Variants in DDX60 observed in about 807,000 individuals in gnomAD.
DDX60 encodes DExD/H-box helicase 60, also known as probable ATP-dependent RNA helicase DDX60.
In DDX60, 165 loss-of-function variants were observed where a neutral mutation model predicts 212.8. That is an observed-to-expected ratio of 0.78 (90% CI 0.68 to 0.88). The LOEUF (loss-of-function observed/expected upper bound fraction) is 0.88, where lower values mean the gene tolerates loss of function less well. Among genes scored for constraint, DDX60 ranks in the 40% least tolerant of loss-of-function variants. The pLI is 0.00. For synonymous variants in DDX60, 703 were observed against 685.3 expected (o/e 1.03, Z -0.40); for missense variants, 1,905 against 2,003.9 (o/e 0.95, Z 0.94).
In DDX60 at chr4:168,225,600, G is replaced by A. The variant is rs1578968305; in HGVS notation, c.4610C>T (p.Thr1537Ile). The A allele has an allele frequency of 6.2e-7, 1 of 1,611,558 alleles. No homozygotes were observed. The highest frequency in any genetic ancestry group is 2.2e-5 in the East Asian group (1 of 44,608). The change falls in exon 34 of 38, where the codon ACC becomes ATC. Residue 1537 changes from threonine (T) to isoleucine (I), a missense_variant. Coordinates refer to ENST00000393743, the MANE Select transcript of DDX60 (RefSeq NM_017631.6). ...EYNMKIMEDF[T>I]TFLRIVSKLA... The stretch of plus-strand genomic sequence containing the variant: ...TTTGGAAACAATTCGTAGGAAAGTG[G>A]TAAAGTCCTCCATAATTTTCATGTT...
chr4:168,289,780 G>A (rs1305177501), intron 8 of DDX60, among the ~76,000 whole-genome samples: 1 of 151,888 alleles, frequency 6.6e-6, no homozygotes, highest in East Asian at 1.9e-4. Context: ...CCTTTCCCTC[G>A]TTACCCATAT....
intron 7 of DDX60, among the ~76,000 whole-genome samples, chr4:168,293,219 A>G (rs1736185120): frequency 6.6e-6 from 1 of 152,236 alleles, no homozygotes; most frequent in African/African-American, 2.4e-5. Context: ...TACTGGCCAT[A>G]AAGAAAGTTA....
chr4:168,314,578 T>C (rs1024237747), intron 1 of DDX60, among the ~76,000 whole-genome samples: 2 of 152,290 alleles, frequency 1.3e-5, no homozygotes, highest in African/African-American at 2.4e-5. Flanking sequence ...AAGAAAGTCA[T>C]TGCAGAACAA....
Position 168,273,025 on chromosome 4 carries a change from A to C in DDX60, c.2574+254T>G, listed in dbSNP as rs369551995. 2.6e-5 allele frequency among the ~76,000 whole-genome samples: 4 copies of C among 152,324 alleles called. No homozygotes were observed. In the Middle Eastern group the frequency reaches 0.01, roughly 389 times the overall value. On this transcript the variant is annotated intron_variant, in intron 18 of 37. Coordinates refer to ENST00000393743, the MANE Select transcript of DDX60 (RefSeq NM_017631.6). ...TCTTCAGATCATTCTGAATCCCTTT[A>C]CAAACCAAGACAATGCAATAAAATA...
rs778810404 is a variant in DDX60 at position 168,251,035 on chromosome 4, C to T, written c.3777G>A (p.Arg1259=). Residue 1259 remains arginine (R), a synonymous_variant, in exon 28 of 38, where the codon AGG becomes AGA. Coordinates refer to ENST00000393743, the MANE Select transcript of DDX60 (RefSeq NM_017631.6). ...TAGCACTGTGATGATATCCAATACC[C>T]CTTTCTGCCAAGGCTTTCAATTCTT... is the stretch of plus-strand genomic sequence containing the variant. The part of the protein sequence containing the change: ...KGEELKALAE[R]GIGYHHSAMS... The T allele has an allele frequency of 6.2e-7, 1 of 1,612,826 alleles. No individual in the cohort carries two copies. Among genetic ancestry groups the T allele is most frequent in the South Asian group, 1.1e-5 (1 of 91,004 alleles).
intron 19 of DDX60, among the ~76,000 whole-genome samples, chr4:168,270,875 C>CTTTTTTTTTTTTTTTTTTT (rs759054592): frequency 2.0e-4 from 22 of 110,868 alleles, no homozygotes; most frequent in Non-Finnish European, 2.9e-4. Flanking sequence ...TTCTTTCTTT[C>CTTTTTTTTTTTTTTTTTTT]TTTTTTTTTT....
intron 6 of DDX60, among the ~76,000 whole-genome samples, chr4:168,297,301 A>T (rs866147074): frequency 2.9e-4 from 2 of 6,974 alleles, no homozygotes; most frequent in Non-Finnish European, 4.7e-4. Context: ...GAGAGACGAA[A>T]GAAAGAAAGA....
chr4:168,224,420 G>T, intron 34 of DDX60, 35 bp from the exon 35 acceptor site: 1 of 1,599,824 alleles, frequency 6.3e-7, no homozygotes, highest in South Asian at 1.1e-5. Context: ...TTAGTGTTTT[G>T]AACTCAGTCA....
intron 25 of DDX60, 125 bp from the exon 26 acceptor site, chr4:168,255,994 G>A: frequency 1.0e-6 from 1 of 967,618 alleles, no homozygotes; most frequent in Non-Finnish European, 1.4e-6. Flanking sequence ...CTTTATAAAT[G>A]TTACCCAGAA....
chr4:168,291,999 T>C, intron 7 of DDX60, 93 bp from the exon 8 acceptor site: 1 of 753,964 alleles, frequency 1.3e-6, no homozygotes, highest in Non-Finnish European at 2.0e-6. Flanking sequence ...CAGCTACCTT[T>C]GCTGTTCAGG....
intron 5 of DDX60, among the ~76,000 whole-genome samples, chr4:168,304,138 A>T (rs1736773710): frequency 6.6e-6 from 1 of 152,202 alleles, no homozygotes; most frequent in African/African-American, 2.4e-5. Context: ...TTGTATTTTT[A>T]AAACAGCTGC....
At chr4:168,235,328 T>C (rs17053817) in intron 33 of DDX60, among the ~76,000 whole-genome samples, 4,148 of 152,070 alleles carry the variant, frequency 0.027, 195 homozygotes, top group African/African-American at 0.094. Flanking sequence ...CTTTTTGGTG[T>C]AGTACCCCAA....
At chr4:168,302,875 A>C (rs1259793753) in intron 5 of DDX60, among the ~76,000 whole-genome samples, 2 of 152,218 alleles carry the variant, frequency 1.3e-5, no homozygotes, top group African/African-American at 4.8e-5. Context: ...ACCCAGCAGC[A>C]GCCATTTTAA....
At chr4:168,264,858 T>A (rs1734773862) in intron 22 of DDX60, among the ~76,000 whole-genome samples, 1 of 152,112 alleles carries the variant, frequency 6.6e-6, no homozygotes, top group African/African-American at 2.4e-5. Flanking sequence ...AAAAGTTGAG[T>A]GAGTCTAGGC....
chr4:168,295,667 G>A (rs866099266), intron 6 of DDX60, among the ~76,000 whole-genome samples: 1 of 152,138 alleles, frequency 6.6e-6, no homozygotes, highest in African/African-American at 2.4e-5. Flanking sequence ...TTCAGCTGAA[G>A]TTTTTCTTTT....
At chr4:168,269,558 G>A (rs951242699) in intron 19 of DDX60, among the ~76,000 whole-genome samples, 1 of 151,902 alleles carries the variant, frequency 6.6e-6, no homozygotes, top group Non-Finnish European at 1.5e-5. Context: ...CTGAGATCGC[G>A]CCACTGGGTT....
At chr4:168,235,775 T>C (rs1733609695) in intron 33 of DDX60, among the ~76,000 whole-genome samples, 1 of 152,094 alleles carries the variant, frequency 6.6e-6, no homozygotes, top group Admixed American at 6.6e-5. Flanking sequence ...AAAAAGTGTT[T>C]CTCTGATTTT....
intron 36 of DDX60, 101 bp downstream of exon 36, chr4:168,221,629 T>C: frequency 7.6e-7 from 1 of 1,316,200 alleles, no homozygotes; most frequent in African/African-American, 1.5e-5. Context: ...TAACCTGCAC[T>C]TGAAACTGTA....
At chr4:168,321,386 A>G (rs940805856), upstream of DDX60, among the ~76,000 whole-genome samples, 1 of 152,124 alleles carries the variant, frequency 6.6e-6, no homozygotes, top group Non-Finnish European at 1.5e-5. Flanking sequence ...ACACTTGCCT[A>G]TAATTTGTTA....
Sources: allele counts gnomAD v4.1 joint callset (sites outside exome capture counted in the v4.1 genomes callset), GRCh38; gene constraint gnomAD v4.1.1; transcripts MANE v1.5; gene names NCBI Gene and HGNC (gene_info 2026-07-23, HGNC 2026-07-21).